The following OPCML variants were observed in gnomAD, a reference collection of about 807,000 sequenced individuals.
The protein encoded by OPCML is opioid binding protein/cell adhesion molecule like.
Under a neutral mutation model 37.8 loss-of-function variants are expected in OPCML, and 13 were observed. That is an observed-to-expected ratio of 0.34 (90% CI 0.22 to 0.55). The LOEUF is 0.55. Among genes scored for constraint, OPCML ranks in the 20% least tolerant of loss-of-function variants. The pLI is 0.91. For synonymous variants in OPCML, 176 were observed against 168.8 expected (o/e 1.04, Z -0.33); for missense variants, 341 against 435.6 (o/e 0.78, Z 1.93).
intron 4 of OPCML, among the ~76,000 whole-genome samples, chr11:132,494,252 A>T (rs140319557): frequency 5.9e-5 from 9 of 152,348 alleles, no homozygotes; most frequent in African/African-American, 2.2e-4. Context: ...TGAATCATGC[A>T]TATGCCTCAT....
chr11:132,648,349 GA>G (rs1376683903), intron 3 of OPCML, among the ~76,000 whole-genome samples: 1 of 152,136 alleles, frequency 6.6e-6, no homozygotes, highest in Non-Finnish European at 1.5e-5. Context: ...GGTCTCTTCG[GA>G]AATAAGCTGA....
intron 1 of OPCML, among the ~76,000 whole-genome samples, chr11:133,282,438 T>C (rs776783929): frequency 6.6e-6 from 1 of 152,206 alleles, no homozygotes; most frequent in Non-Finnish European, 1.5e-5. Flanking sequence ...AATGCAAGCA[T>C]GAAGGAAGCC....
Position 133,140,892 on chromosome 11 carries a change from C to T in OPCML, c.62-197882G>A, listed in dbSNP as rs371151103. ...ACGACGAAGAAGACGACGACGACGA[C>T]GAAGACGACGACGACGAAGAAGAAG... On this transcript the variant is annotated intron_variant, in intron 1 of 7. Coordinates refer to ENST00000524381, the MANE Select transcript of OPCML (RefSeq NM_001012393.5). Among the ~76,000 whole-genome samples the T allele has an allele frequency of 4.3e-4, 2 of 4,626 alleles. 1 individual carries two copies. Among genetic ancestry groups the T allele is most frequent in the Non-Finnish European group, 2.4e-3 (2 of 840 alleles). The allele number at this position is 4,626 out of a possible 152,430, so 3.0% of individuals were successfully genotyped here. A position where few individuals can be genotyped will look rare whatever the true frequency, so the allele number is the denominator to read the frequency against.
At chr11:133,127,466 C>CTAAAAAAA (rs1278517095) in intron 1 of OPCML, among the ~76,000 whole-genome samples, 1 of 151,796 alleles carries the variant, frequency 6.6e-6, no homozygotes, top group African/African-American at 2.4e-5. Flanking sequence ...AACCCTGTCT[C>CTAAAAAAA]TACAAAAAAT....
intron 1 of OPCML, among the ~76,000 whole-genome samples, chr11:133,315,922 G>A (rs982232513): frequency 4.6e-5 from 7 of 152,246 alleles, no homozygotes; most frequent in Non-Finnish European, 8.8e-5. Flanking sequence ...TCTGTGGTGG[G>A]TACTACTCAA....
chr11:133,248,566 G>C (rs926243557), intron 1 of OPCML, among the ~76,000 whole-genome samples: 11 of 152,372 alleles, frequency 7.2e-5, no homozygotes, highest in African/African-American at 2.2e-4. Flanking sequence ...CCCTGCAGCT[G>C]TGCTCAGAAT....
chr11:133,081,753 T>C (rs1376397948), intron 1 of OPCML, among the ~76,000 whole-genome samples: 1 of 152,032 alleles, frequency 6.6e-6, no homozygotes, highest in Non-Finnish European at 1.5e-5. Context: ...ATCCAGAATC[T>C]CCTTCTAGAA....
chr11:133,524,257 C>A (rs929014669), intron 1 of OPCML, among the ~76,000 whole-genome samples: 1 of 152,190 alleles, frequency 6.6e-6, no homozygotes, highest in African/African-American at 2.4e-5. Flanking sequence ...GGCCAGACTG[C>A]GATAAGTGAG....
intron 3 of OPCML, among the ~76,000 whole-genome samples, chr11:132,564,589 T>C (rs1005185600): frequency 6.6e-6 from 1 of 152,170 alleles, no homozygotes; most frequent in Admixed American, 6.5e-5. Flanking sequence ...CTACTGTACC[T>C]CCTAAGGTTC....
chr11:132,946,269 C>G (rs956822521), intron 1 of OPCML, among the ~76,000 whole-genome samples: 5 of 152,296 alleles, frequency 3.3e-5, no homozygotes, highest in African/African-American at 1.2e-4. Flanking sequence ...CTTCTAAATC[C>G]CTCCTGAAGG....
At chr11:132,759,243 A>G (rs1400349754) in intron 2 of OPCML, among the ~76,000 whole-genome samples, 1 of 152,016 alleles carries the variant, frequency 6.6e-6, no homozygotes, top group Non-Finnish European at 1.5e-5. Context: ...TTCATCAGGG[A>G]TATTGGCCTG....
chr11:133,166,495 G>C (rs1353701322), intron 1 of OPCML, among the ~76,000 whole-genome samples: 5 of 152,254 alleles, frequency 3.3e-5, no homozygotes, highest in Non-Finnish European at 7.3e-5. Flanking sequence ...TTTTCTATGT[G>C]TGGTGTAGTT....
At chr11:132,603,797 GCTTT>G (rs1397851723) in intron 3 of OPCML, among the ~76,000 whole-genome samples, 1 of 152,092 alleles carries the variant, frequency 6.6e-6, no homozygotes, top group Non-Finnish European at 1.5e-5. Flanking sequence ...CACATTTCTT[GCTTT>G]CTAACTCTTT....
chr11:133,510,335 T>C (rs1462616658), intron 1 of OPCML, among the ~76,000 whole-genome samples: 1 of 152,188 alleles, frequency 6.6e-6, no homozygotes, highest in Non-Finnish European at 1.5e-5. Flanking sequence ...TGCCCAGAAG[T>C]AATTAGAGCT....
intron 1 of OPCML, among the ~76,000 whole-genome samples, chr11:133,085,629 CAT>C (rs1319916901): frequency 6.6e-6 from 1 of 152,176 alleles, no homozygotes; most frequent in Non-Finnish European, 1.5e-5. Context: ...AGTACCAAGG[CAT>C]ATGTTATTGA....
At chr11:133,006,804 T>C in intron 1 of OPCML, 1 of 985,422 alleles carries the variant, frequency 1.0e-6, no homozygotes, top group South Asian at 4.7e-5. Context: ...CCTTCCACTC[T>C]AGCAGGAGCA....
At chr11:132,521,336 A>T (rs1056493414) in intron 4 of OPCML, among the ~76,000 whole-genome samples, 1 of 151,802 alleles carries the variant, frequency 6.6e-6, no homozygotes, top group African/African-American at 2.4e-5. Flanking sequence ...TTGCCTGTTC[A>T]CTCTGATGCT....
chr11:133,413,419 G>T (rs1314190153), intron 1 of OPCML, among the ~76,000 whole-genome samples: 2 of 151,576 alleles, frequency 1.3e-5, no homozygotes, highest in Non-Finnish European at 2.9e-5. Context: ...CATGGCACAT[G>T]TATACATATG....
At chr11:133,150,700 A>ATG (rs1949967589) in intron 1 of OPCML, among the ~76,000 whole-genome samples, 1 of 152,152 alleles carries the variant, frequency 6.6e-6, no homozygotes, top group African/African-American at 2.4e-5. Flanking sequence ...GCATCTTACA[A>ATG]AATCTTCCTC....
Sources: allele counts gnomAD v4.1 joint callset (sites outside exome capture counted in the v4.1 genomes callset), GRCh38; gene constraint gnomAD v4.1.1; transcripts MANE v1.5; gene names NCBI Gene and HGNC (gene_info 2026-07-23, HGNC 2026-07-21).